Variants in DRC11L observed in about 807,000 individuals in gnomAD.
DRC11L encodes the protein dynein regulatory complex subunit like-11.
chr7:151,204,253 T>C, the DRC11L span, among the ~76,000 whole-genome samples: 1 of 152,188 alleles, frequency 6.6e-6, no homozygotes, highest in Non-Finnish European at 1.5e-5. Flanking sequence ...CCAAGGTTCC[T>C]GAAGCCCTTC....
chr7:151,192,513 G>T, the DRC11L span: 3 of 398,594 alleles, frequency 7.5e-6, no homozygotes, highest in Middle Eastern at 6.2e-4. Context: ...AGCGTATGGG[G>T]CTCCCAAGTT....
the DRC11L span, chr7:151,197,860 C>T: frequency 2.5e-6 from 1 of 399,328 alleles, no homozygotes; most frequent in Non-Finnish European, 4.4e-6. Context: ...GAGTAGGATC[C>T]ACCTGAAGAC....
the DRC11L span, among the ~76,000 whole-genome samples, chr7:151,202,590 G>A: frequency 2.1e-3 from 322 of 152,304 alleles, 3 homozygotes; most frequent in African/African-American, 7.0e-3. Context: ...GGTGGCTCAC[G>A]CCTGTAATCC....
the DRC11L span, among the ~76,000 whole-genome samples, chr7:151,200,679 G>A: frequency 2.2e-4 from 34 of 152,188 alleles, no homozygotes; most frequent in African/African-American, 7.7e-4. Flanking sequence ...GGCCCCCCAG[G>A]GATTTCTTCC....
chr7:151,191,658 C>T, the DRC11L span: 1 of 399,364 alleles, frequency 2.5e-6, no homozygotes, highest in Non-Finnish European at 4.4e-6. Context: ...TCCTCCTCCT[C>T]CCTGTACACT....
At chr7:151,197,238 CT>C in the DRC11L span, 2 of 399,620 alleles carry the variant, frequency 5.0e-6, no homozygotes, top group Non-Finnish European at 8.8e-6. Flanking sequence ...TTCCTTTCTT[CT>C]TCTCTTTTTC....
At chr7:151,198,376 G>A in the DRC11L span, among the ~76,000 whole-genome samples, 4 of 152,058 alleles carry the variant, frequency 2.6e-5, no homozygotes, top group South Asian at 8.3e-4. Flanking sequence ...GTAGACGGGT[G>A]AGTGGATGGA....
At chr7:151,195,745 G>A in the DRC11L span, 2 of 398,554 alleles carry the variant, frequency 5.0e-6, no homozygotes, top group Non-Finnish European at 8.8e-6. Context: ...ATGGGAAGGA[G>A]GGGAGGAGCC....
At chr7:151,202,792 A>G in the DRC11L span, 2 of 397,974 alleles carry the variant, frequency 5.0e-6, no homozygotes, top group Non-Finnish European at 8.9e-6. Flanking sequence ...CAGAGGCTGC[A>G]GTGAGCTGAA....
the DRC11L span, among the ~76,000 whole-genome samples, chr7:151,199,974 C>G: frequency 6.6e-6 from 1 of 152,222 alleles, no homozygotes; most frequent in African/African-American, 2.4e-5. This position sits in a 1 kb window ranked among gnomAD's most constrained non-coding sequence, Gnocchi z 5.2. Context: ...GGGAGTGTGT[C>G]CCCACCCAAC....
the DRC11L span, among the ~76,000 whole-genome samples, chr7:151,201,548 C>T: frequency 1.3e-3 from 205 of 152,308 alleles, 2 homozygotes; most frequent in East Asian, 0.028. The surrounding 1 kb of genome is among the most constrained non-coding windows in gnomAD (Gnocchi z 4.1). Context: ...AAGTAATGCA[C>T]GAATCTATCC....
chr7:151,205,317 G>A, the DRC11L span: 9 of 398,142 alleles, frequency 2.3e-5, no homozygotes, highest in Non-Finnish European at 4.0e-5. Context: ...AAGCTGCCAG[G>A]GCAGCAGCAG....
At chr7:151,199,225 A>G in the DRC11L span, among the ~76,000 whole-genome samples, 2 of 152,204 alleles carry the variant, frequency 1.3e-5, no homozygotes, top group African/African-American at 4.8e-5. This position sits in a 1 kb window ranked among gnomAD's most constrained non-coding sequence, Gnocchi z 5.2. Context: ...TTACTCTAAT[A>G]ATGAGTCTGC....
chr7:151,202,927 G>A, the DRC11L span: 1 of 399,888 alleles, frequency 2.5e-6, no homozygotes, highest in Non-Finnish European at 4.4e-6. Flanking sequence ...TATGGTGACA[G>A]CTGCTTGGCC....
the DRC11L span, among the ~76,000 whole-genome samples, chr7:151,198,355 T>C: frequency 6.6e-6 from 1 of 151,140 alleles, no homozygotes; most frequent in East Asian, 2.0e-4. Flanking sequence ...GAAGGATAGA[T>C]AGACAGTTGG....
the DRC11L span, among the ~76,000 whole-genome samples, chr7:151,200,025 G>T: frequency 5.3e-3 from 802 of 152,282 alleles, 6 homozygotes; most frequent in African/African-American, 0.018. Context: ...GAGGCTTGTG[G>T]GGGGCAGTGT....
chr7:151,192,816 A>G, the DRC11L span: 1 of 399,126 alleles, frequency 2.5e-6, no homozygotes, highest in Non-Finnish European at 4.4e-6. Flanking sequence ...AGAGGGCTGT[A>G]GGAGTCGGGC....
At chr7:151,195,655 C>G in the DRC11L span, 1 of 399,718 alleles carries the variant, frequency 2.5e-6, no homozygotes, top group East Asian at 3.6e-5. Context: ...ATCAGCTCAT[C>G]CACCTAGGGG....
chr7:151,194,613 C>T, the DRC11L span: 12 of 399,368 alleles, frequency 3.0e-5, no homozygotes, highest in East Asian at 4.3e-4. Flanking sequence ...CAGAGGATGG[C>T]ACAGGAAGAC....
Sources: gnomAD v4.1 joint callset for allele counts (sites outside exome capture counted in the v4.1 genomes callset) on GRCh38, gnomAD v4.1.1 for gene constraint, Gnocchi (gnomAD v3.1) non-coding constraint, MANE v1.5 for transcripts, NCBI Gene and HGNC (gene_info 2026-07-23, HGNC 2026-07-21) for gene names.